ZNF316: variants seen among roughly 807,000 people sequenced by gnomAD.
ZNF316 encodes the protein zinc finger protein 316.
A neutral mutation model predicts 75.6 loss-of-function variants in ZNF316; 23 were observed. The observed-to-expected ratio is 0.30, with a 90% CI of 0.22 to 0.43. The LOEUF (loss-of-function observed/expected upper bound fraction) is 0.43, where lower values mean the gene tolerates loss of function less well. Ranked by LOEUF, ZNF316 falls within the 20% of genes least tolerant of loss-of-function variation. ZNF316 has a pLI of 1.00. For missense variants in ZNF316, 1,266 were observed against 1,409.4 expected, an observed-to-expected ratio of 0.90 and a Z score of 1.63; for synonymous variants, 827 against 666.2, an observed-to-expected ratio of 1.24 and a Z score of -3.72.
Position 6,652,883 on chromosome 7 carries a change from C to T in ZNF316, c.1287C>T (p.Tyr429=), listed in dbSNP as rs1779536444. 2.4e-6 allele frequency: 3 copies of T among 1,242,636 alleles called. No homozygotes were observed. The highest frequency in any genetic ancestry group is 3.1e-5 in the East Asian group (1 of 31,850). 77.0% of individuals were successfully genotyped at this position (1,242,636 alleles called of 1,614,324 possible). Reference sequence around the variant, plus strand: ...GCATCCATACTGGCGAGCGGCCCTACCGCTGCGCCTTCTGCGGCGCGGGCT... The same window carrying T: ...GCATCCATACTGGCGAGCGGCCCTATCGCTGCGCCTTCTGCGGCGCGGGCT... The part of the protein sequence containing the change: ...HRRIHTGERP[Y]RCAFCGAGFG... Residue 429 remains tyrosine, a synonymous_variant, in exon 9 of 9, where the codon TAC becomes TAT. Transcript: ENST00000382252.
chr7:6,656,552 T>C lies in ZNF316; in HGVS notation c.*1941T>C, dbSNP rs747306636. On this transcript the variant is annotated 3_prime_UTR_variant, in exon 9 of 9. Coordinates refer to ENST00000382252, the MANE Select transcript of ZNF316 (RefSeq NM_001278559.2). Reference sequence around the variant, plus strand: ...TAAAAGATTTTCTCTTTTAAGAAATTAGAATGGGTCCTAGGATGGCCCATG... The same window carrying C: ...TAAAAGATTTTCTCTTTTAAGAAATCAGAATGGGTCCTAGGATGGCCCATG... 1.3e-5 allele frequency: 2 copies of C among 152,240 alleles called. No homozygotes were observed. The highest frequency in any genetic ancestry group is 2.9e-5 in the Non-Finnish European group (2 of 68,038). 9.4% of individuals were successfully genotyped at this position (152,240 alleles called of 1,614,324 possible). A position where few individuals can be genotyped will look rare whatever the true frequency, so the allele number is the denominator to read the frequency against.
intron 2 of ZNF316, among the ~76,000 whole-genome samples, chr7:6,638,537 C>T (rs1779259474): frequency 6.6e-6 from 1 of 152,204 alleles, no homozygotes; most frequent in African/African-American, 2.4e-5. Context: ...CCTCTTCTTC[C>T]TGCCCTTGCC....
chr7:6,654,086 G>A lies in ZNF316; in HGVS notation c.2490G>A (p.Pro830=), dbSNP rs1779571267. The change falls in exon 9 of 9, where the codon CCG becomes CCA. Residue 830 remains proline, a synonymous_variant. Transcript: ENST00000382252. ...AGTGGGCGCACGCCGAGGAGAAGCC[G>A]CACCGCTGCCCCGACTGCGGCAAGG... ...RHQWAHAEEK[P]HRCPDCGKGF... is the part of the protein sequence containing the mutation. 1.5e-5 allele frequency: 18 copies of A among 1,215,206 alleles called. No individual in the cohort carries two copies. Among genetic ancestry groups the A allele is most frequent in the Non-Finnish European group, 1.8e-5 (18 of 976,970 alleles). 75.3% of individuals were successfully genotyped at this position (1,215,206 alleles called of 1,614,324 possible).
chr7:6,654,488 C>T lies in ZNF316; in HGVS notation c.2892C>T (p.Ser964=). The T allele has an allele frequency of 8.5e-7, 1 of 1,183,076 alleles. No homozygotes were observed. The highest frequency in any genetic ancestry group is 1.0e-6 in the Non-Finnish European group (1 of 956,878). 73.3% of individuals were successfully genotyped at this position (1,183,076 alleles called of 1,614,324 possible). The part of the protein sequence containing the change: ...PKPEAAAKGP[S]SAGPGERGSA... ...CCGAGGCGGCCGCCAAGGGGCCGTC[C>T]AGTGCCGGCCCCGGTGAGCGCGGCA... is the stretch of plus-strand genomic sequence containing the variant. Residue 964 remains serine, a synonymous_variant, in exon 9 of 9, where the codon TCC becomes TCT. Transcript: ENST00000382252.
In ZNF316 at chr7:6,654,765, GC is replaced by G; in HGVS notation, c.*157del. 1.7e-6 allele frequency: 1 copy of G among 605,792 alleles called. No individual in the cohort carries two copies. The highest frequency in any genetic ancestry group is 2.3e-6 in the Non-Finnish European group (1 of 443,732). The allele number at this position is 605,792 out of a possible 1,614,324, so 37.5% of individuals were successfully genotyped here. A position where few individuals can be genotyped will look rare whatever the true frequency, so the allele number is the denominator to read the frequency against. On this transcript the variant is annotated 3_prime_UTR_variant, in exon 9 of 9. Coordinates refer to ENST00000382252, the MANE Select transcript of ZNF316 (RefSeq NM_001278559.2). The stretch of plus-strand genomic sequence containing the variant: ...CTCGCCCTGCGGCCCCGGGTCTCAT[GC>G]CCGCCGGGTCCGTGTGCTCAGCCGG...
At position 6,657,631 on chromosome 7, in the gene ZNF316, A is replaced by C. The variant is rs982615204; in HGVS notation, c.*3020A>C. Among the ~76,000 whole-genome samples the C allele has an allele frequency of 3.3e-5, 5 of 152,154 alleles. No homozygotes were observed. The highest frequency in any genetic ancestry group is 3.3e-4 in the Admixed American group (5 of 15,272). ...CCCTTGAGCTCAGATGGATTCCTTGAGCTCAGGAGTTCGAGGCCAGCTGGG... is the reference window on the plus strand; with the variant it reads ...CCCTTGAGCTCAGATGGATTCCTTGCGCTCAGGAGTTCGAGGCCAGCTGGG... On this transcript the variant is annotated 3_prime_UTR_variant, in exon 9 of 9. Transcript: ENST00000382252.
At position 6,643,805 on chromosome 7, in the gene ZNF316, A is replaced by G; in HGVS notation, c.466-17A>G. ...AAGGGCTCCCTCAGCCTCTCACCTG[A>G]GGCTCTGTTTCCCCAGGAGCTGGTG... is the stretch of plus-strand genomic sequence containing the variant. On this transcript the variant is annotated splice_polypyrimidine_tract_variant and intron_variant, in intron 6 of 8. Transcript: ENST00000382252. The G allele has an allele frequency of 8.1e-7, 1 of 1,234,236 alleles. No homozygotes were observed. The highest frequency in any genetic ancestry group is 1.0e-6 in the Non-Finnish European group (1 of 989,262). 76.5% of individuals were successfully genotyped at this position (1,234,236 alleles called of 1,614,324 possible). A position where few individuals can be genotyped will look rare whatever the true frequency, so the allele number is the denominator to read the frequency against.
chr7:6,652,724 G>A lies in ZNF316; in HGVS notation c.1128G>A (p.Glu376=). 1 of 1,243,584 alleles carries A rather than the reference G, an allele frequency of 8.0e-7. No individual in the cohort carries two copies. The highest frequency in any genetic ancestry group is 1.5e-5 in the African/African-American group (1 of 64,602). 77.0% of individuals were successfully genotyped at this position (1,243,584 alleles called of 1,614,324 possible). A position where few individuals can be genotyped will look rare whatever the true frequency, so the allele number is the denominator to read the frequency against. ...CGGCCGTCAAGCCCTTCGGCTGCGA[G>A]GAGTGCGGCAAGGGCTTCGTGTACC... ...YHAAVKPFGC[E]ECGKGFVYRS... Residue 376 remains glutamate, a synonymous_variant, in exon 9 of 9, where the codon GAG becomes GAA. Transcript: ENST00000382252.
rs1562587265 is a variant in ZNF316 at position 6,657,606 on chromosome 7, C to G, written c.*2995C>G. Among the ~76,000 whole-genome samples, 3 of 151,900 alleles carry G rather than the reference C, an allele frequency of 2.0e-5. No homozygotes were observed. Among genetic ancestry groups the G allele is most frequent in the African/African-American group, 7.3e-5 (3 of 41,354 alleles). On this transcript the variant is annotated 3_prime_UTR_variant, in exon 9 of 9. Coordinates refer to ENST00000382252, the MANE Select transcript of ZNF316 (RefSeq NM_001278559.2). The stretch of plus-strand genomic sequence containing the variant: ...AGCACTATGGGAGGCCAAGGCGGAT[C>G]CCTTGAGCTCAGATGGATTCCTTGA...
rs1336932379 is a variant in ZNF316 at position 6,653,620 on chromosome 7, TGCTGGCGGAGCCCGCGCCGGCCGC to T, written c.2035_2058del (p.Pro679_Glu686del). On this transcript the variant is annotated inframe_deletion, in exon 9 of 9. Transcript: ENST00000382252. ...GCGTTCGGGCCCGCCATCGGGGGTC[TGCTGGCGGAGCCCGCGCCGGCCGC>T]GCTGGCGGAGGAGGAGAGCCCGTGG... The T allele has an allele frequency of 2.8e-6, 3 of 1,062,028 alleles. No individual in the cohort carries two copies. The highest frequency in any genetic ancestry group is 6.1e-5 in the East Asian group (1 of 16,348). 65.8% of individuals were successfully genotyped at this position (1,062,028 alleles called of 1,614,324 possible).
In ZNF316 at chr7:6,652,690, G is replaced by T; in HGVS notation, c.1094G>T (p.Arg365Leu). The change falls in exon 9 of 9, where the codon CGC becomes CTC. Residue 365 changes from arginine (R) to leucine (L), a missense_variant. By Grantham distance (102) the Arg-to-Leu change is moderately radical. Transcript: ENST00000382252. ...CGCTCGCGGCTGGCCAAGCACCAGCGCTACCACGCGGCCGTCAAGCCCTTC... is the reference window on the plus strand; with the variant it reads ...CGCTCGCGGCTGGCCAAGCACCAGCTCTACCACGCGGCCGTCAAGCCCTTC... ...PHRSRLAKHQ[R>L]YHAAVKPFGC... 8.1e-7 allele frequency: 1 copy of T among 1,234,928 alleles called. No individual in the cohort carries two copies. Among genetic ancestry groups the T allele is most frequent in the Non-Finnish European group, 1.0e-6 (1 of 989,258 alleles). 76.5% of individuals were successfully genotyped at this position (1,234,928 alleles called of 1,614,324 possible).
chr7:6,645,401 A>G (rs894759130), intron 8 of ZNF316, among the ~76,000 whole-genome samples: 1 of 152,308 alleles, frequency 6.6e-6, no homozygotes, highest in Non-Finnish European at 1.5e-5. Flanking sequence ...ATGAAAATAC[A>G]AGCTGGGTGC....
Position 6,654,334 on chromosome 7 carries a change from G to A in ZNF316, c.2738G>A (p.Arg913Gln). The change falls in exon 9 of 9, where the codon CGG becomes CAG. Residue 913 changes from arginine to glutamine, a missense_variant. Around this residue, in one of 3 missense-constraint regions of ZNF316, gnomAD observed 194 missense variants for 319.2 expected, o/e 0.61. Transcript: ENST00000382252. ...VTHQRTHTGE[R>Q]PYACANCGRR... Reference sequence around the variant, plus strand: ...CACCAGCGCACACATACGGGCGAGCGGCCCTACGCCTGCGCCAACTGCGGC... The same window carrying A: ...CACCAGCGCACACATACGGGCGAGCAGCCCTACGCCTGCGCCAACTGCGGC... 1 of 1,222,356 alleles carries A rather than the reference G, an allele frequency of 8.2e-7. No individual in the cohort carries two copies. Among genetic ancestry groups the A allele is most frequent in the Non-Finnish European group, 1.0e-6 (1 of 981,602 alleles). 75.7% of individuals were successfully genotyped at this position (1,222,356 alleles called of 1,614,324 possible).
chr7:6,655,417 C>G lies in ZNF316; in HGVS notation c.*806C>G, dbSNP rs1183765691. ...CCCTCCGCACCGGTTCGGTTTTGGT[C>G]TCTGCTTGTCCTCTCAGTCCTTGGT... On this transcript the variant is annotated 3_prime_UTR_variant, in exon 9 of 9. Transcript: ENST00000382252. 6.6e-6 allele frequency: 1 copy of G among 152,182 alleles called. No individual in the cohort carries two copies. The highest frequency in any genetic ancestry group is 1.5e-5 in the Non-Finnish European group (1 of 68,096). The allele number at this position is 152,182 out of a possible 1,614,324, so 9.4% of individuals were successfully genotyped here.
chr7:6,643,361 A>G (rs1284389687), intron 6 of ZNF316, among the ~76,000 whole-genome samples: 1 of 152,184 alleles, frequency 6.6e-6, no homozygotes, highest in Non-Finnish European at 1.5e-5. Flanking sequence ...CTCTCCCCCA[A>G]GGCTGGCCCT....
rs1238777392 is a variant in ZNF316 at position 6,657,904 on chromosome 7, A to C, written c.*3293A>C. 1.3e-5 allele frequency among the ~76,000 whole-genome samples: 2 copies of C among 151,994 alleles called. No homozygotes were observed. The highest frequency in any genetic ancestry group is 2.9e-5 in the Non-Finnish European group (2 of 68,000). ...GTTGACTGTCCAGCCAAATACTTAAAAAAAAAGTTTATAGGGAGAAAAATA... is the reference window on the plus strand; with the variant it reads ...GTTGACTGTCCAGCCAAATACTTAACAAAAAAGTTTATAGGGAGAAAAATA... On this transcript the variant is annotated 3_prime_UTR_variant, in exon 9 of 9. Transcript: ENST00000382252.
At chr7:6,649,956 C>A (rs917692851) in intron 8 of ZNF316, among the ~76,000 whole-genome samples, 1 of 152,202 alleles carries the variant, frequency 6.6e-6, no homozygotes. Flanking sequence ...GCAGCTGAGA[C>A]TTCTGTGGGC....
chr7:6,654,870 T>G lies in ZNF316; in HGVS notation c.*259T>G. Reference sequence around the variant, plus strand: ...CGTCACCCCCACGGAGACTGCGATATCCCCTGGGTGGGCCCGGGCTGTGAA... The same window carrying G: ...CGTCACCCCCACGGAGACTGCGATAGCCCCTGGGTGGGCCCGGGCTGTGAA... On this transcript the variant is annotated 3_prime_UTR_variant, in exon 9 of 9. Transcript: ENST00000382252. 3.8e-6 allele frequency: 1 copy of G among 263,240 alleles called. No homozygotes were observed. Among genetic ancestry groups the G allele is most frequent in the Non-Finnish European group, 7.2e-6 (1 of 139,646 alleles). 16.3% of individuals were successfully genotyped at this position (263,240 alleles called of 1,614,324 possible). A position where few individuals can be genotyped will look rare whatever the true frequency, so the allele number is the denominator to read the frequency against.
rs1779655061 is a variant in ZNF316, at chr7:6,657,895, AATACTTAAAAAAAAAGTTT to A, written c.*3288_*3306del. 6.6e-6 allele frequency among the ~76,000 whole-genome samples: 1 copy of A among 151,528 alleles called. No homozygotes were observed. Among genetic ancestry groups the A allele is most frequent in the African/African-American group, 2.4e-5 (1 of 41,314 alleles). On this transcript the variant is annotated 3_prime_UTR_variant, in exon 9 of 9. Transcript: ENST00000382252. ...GAACTTATAGTTGACTGTCCAGCCA[AATACTTAAAAAAAAAGTTT>A]ATAGGGAGAAAAATACCCTCCCCCA...
Sources: gnomAD v4.1 joint callset for allele counts (sites outside exome capture counted in the v4.1 genomes callset) on GRCh38, gnomAD v4.1.1 for gene constraint, gnomAD v4.1.1 regional missense constraint, MANE v1.5 for transcripts, NCBI Gene and HGNC (gene_info 2026-07-23, HGNC 2026-07-21) for gene names.